The following VSIG10 variants were observed in gnomAD, a reference collection of about 807,000 sequenced individuals.
The protein encoded by VSIG10 is V-set and immunoglobulin domain-containing protein 10.
VSIG10 carries 48 observed loss-of-function variants against 58.7 expected under a neutral mutation model. That is an observed-to-expected ratio of 0.82 (90% confidence interval 0.65 to 1.04). The LOEUF (loss-of-function observed/expected upper bound fraction) is 1.04. VSIG10 is among the 50% of genes least tolerant of loss of function. The probability of loss-of-function intolerance (pLI) is 0.00; values close to 1 mark genes in which losing one functional copy is unlikely to be tolerated. For synonymous variants in VSIG10, 260 were observed against 267.1 expected (o/e 0.97, Z 0.26); for missense variants, 628 against 670.0 (o/e 0.94, Z 0.69).
chr12:118,068,595 C>T lies in VSIG10; in HGVS notation c.1349G>A (p.Gly450Glu), dbSNP rs1311650922. 1 of 1,542,128 alleles carries T rather than the reference C, an allele frequency of 6.5e-7. No homozygotes were observed. Among genetic ancestry groups the T allele is most frequent in the East Asian group, 2.4e-5 (1 of 42,056 alleles). The part of the protein sequence containing the change: ...FCWKVGNTSR[G>E]QNMDDVMVLV... ...AACCATGACATCATCCATGTTTTGT[C>T]CCCTAATTTCCAAAGGGGAAAAATA... is the stretch of plus-strand genomic sequence containing the variant. Residue 450 changes from glycine (G) to glutamate (E), a missense_variant and splice_region_variant, in exon 8 of 9, where the codon GGA (glycine) becomes GAA (glutamate). Physicochemically the swap from Gly to Glu is moderately conservative, Grantham distance 98 (BLOSUM62 -2). Coordinates refer to ENST00000359236, the MANE Select transcript of VSIG10 (RefSeq NM_019086.6).
At chr12:118,082,534 T>A in intron 2 of VSIG10, 105 bp from the exon 3 acceptor site, 1 of 1,154,934 alleles carries the variant, frequency 8.7e-7, no homozygotes, top group Non-Finnish European at 1.2e-6. Flanking sequence ...CAATGAAGAG[T>A]ATGGTATCTA....
chr12:118,076,646 G>T (rs73217989), intron 4 of VSIG10, among the ~76,000 whole-genome samples: 15,461 of 150,560 alleles, frequency 0.1, 1,012 homozygotes, highest in Admixed American at 0.15. Context: ...ACTGATCCTG[G>T]CGCTTCTGAT....
chr12:118,073,986 G>A lies in VSIG10; in HGVS notation c.932C>T (p.Pro311Leu), dbSNP rs376437186. 5.2e-6 allele frequency: 8 copies of A among 1,549,238 alleles called. No homozygotes were observed. Among genetic ancestry groups the A allele is most frequent in the Non-Finnish European group, 5.2e-6 (6 of 1,146,782 alleles). The stretch of plus-strand genomic sequence containing the variant: ...CTTCATGGGCTCAGAGAGAAGGGAG[G>A]GACCCCCTGGTGATCAGAAGGTAAA... ...GASCMVQIRG[P>L]SLLSEPMKTC... Residue 311 changes from proline (P) to leucine (L), a missense_variant, in exon 5 of 9, where the codon CCC (proline) becomes CTC (leucine). Coordinates refer to ENST00000359236, the MANE Select transcript of VSIG10 (RefSeq NM_019086.6).
intron 1 of VSIG10, among the ~76,000 whole-genome samples, chr12:118,099,327 G>C (rs1455157076): frequency 6.6e-6 from 1 of 152,010 alleles, no homozygotes; most frequent in South Asian, 2.1e-4. Flanking sequence ...GTTGGGGTGG[G>C]GGGTCTCACT....
chr12:118,073,488 T>C (rs866163319), intron 5 of VSIG10, among the ~76,000 whole-genome samples: 34 of 152,290 alleles, frequency 2.2e-4, no homozygotes, highest in African/African-American at 4.6e-4. Flanking sequence ...TGTATAGATA[T>C]TATGTAATTT....
At chr12:118,095,435 G>T (rs1457640063) in intron 2 of VSIG10, 98 bp downstream of exon 2, 2 of 1,475,842 alleles carry the variant, frequency 1.4e-6, no homozygotes, top group South Asian at 1.3e-5. Flanking sequence ...ATGATTTCCA[G>T]GCCATCCGAA....
intron 4 of VSIG10, among the ~76,000 whole-genome samples, chr12:118,078,707 C>T (rs1202792897): frequency 1.3e-5 from 2 of 151,546 alleles, no homozygotes; most frequent in African/African-American, 2.4e-5. Context: ...TTTAGGAGGC[C>T]GAGGCAGGTA....
chr12:118,093,114 CCT>C (rs2033346153), intron 2 of VSIG10, among the ~76,000 whole-genome samples: 1 of 145,446 alleles, frequency 6.9e-6, no homozygotes, highest in South Asian at 2.2e-4. Flanking sequence ...ACAGTGAAAC[CCT>C]GTCTCTGCTA....
chr12:118,083,438 C>A (rs1049248018), intron 2 of VSIG10, among the ~76,000 whole-genome samples: 1 of 151,858 alleles, frequency 6.6e-6, no homozygotes, highest in East Asian at 1.9e-4. Flanking sequence ...ATTAGTTGGG[C>A]GTGGTGGCAC....
Position 118,103,555 on chromosome 12 carries a change from G to A in VSIG10, c.79+38C>T, listed in dbSNP as rs546912504. The A allele has an allele frequency of 1.5e-5, 22 of 1,498,118 alleles. No individual in the cohort carries two copies. The Middle Eastern group carries it at 1.5e-3, about 104-fold the overall frequency. 92.8% of individuals were successfully genotyped at this position (1,498,118 alleles called of 1,614,324 possible). On this transcript the variant is annotated intron_variant, in intron 1 of 8. Coordinates refer to ENST00000359236, the MANE Select transcript of VSIG10 (RefSeq NM_019086.6). ...CTGTCCCCTCCCCACCGCTGACTGG[G>A]AAAACTCAACTTTTCCCTCCAGATC...
At chr12:118,103,235 C>T (rs1433819290) in intron 1 of VSIG10, 1 of 203,132 alleles carries the variant, frequency 4.9e-6, no homozygotes, top group Admixed American at 6.2e-5. Context: ...GTATCAGTTA[C>T]TACTAAAACC....
At chr12:118,067,046 T>TGAGG (rs1303242534) in intron 8 of VSIG10, among the ~76,000 whole-genome samples, 177 of 152,198 alleles carry the variant, frequency 1.2e-3, no homozygotes, top group African/African-American at 4.1e-3. Flanking sequence ...CTCCGGGCTC[T>TGAGG]TATCTTTCTC....
Position 118,073,762 on chromosome 12 carries a change from A to G in VSIG10, c.1156T>C (p.Tyr386His). The G allele has an allele frequency of 6.2e-7, 1 of 1,613,964 alleles. No homozygotes were observed. The highest frequency in any genetic ancestry group is 1.7e-5 in the Admixed American group (1 of 60,006). Residue 386 changes from tyrosine (Y) to histidine (H), a missense_variant, in exon 5 of 9, where the codon TAC becomes CAC. Transcript: ENST00000359236. ...NCSQDLDEGY[Y>H]ICRADSPVGV... ...ACAGGGCTGTCAGCTCGGCAGATGT[A>G]GTAGCCCTCATCCAGGTCCTGGGAG...
At chr12:118,072,934 T>C (rs1163926929) in intron 5 of VSIG10, among the ~76,000 whole-genome samples, 2 of 152,216 alleles carry the variant, frequency 1.3e-5, no homozygotes, top group Non-Finnish European at 2.9e-5. Context: ...TTTATTTTTC[T>C]AAACTCAAAT....
At chr12:118,087,794 C>T (rs150695765) in intron 2 of VSIG10, among the ~76,000 whole-genome samples, 305 of 141,802 alleles carry the variant, frequency 2.2e-3, no homozygotes, top group African/African-American at 7.6e-3. Flanking sequence ...GCCGAAATCA[C>T]ACCACTGCAC....
intron 1 of VSIG10, among the ~76,000 whole-genome samples, chr12:118,097,467 T>C (rs1319475858): frequency 6.7e-6 from 1 of 150,258 alleles, no homozygotes; most frequent in Non-Finnish European, 1.5e-5. Flanking sequence ...ATGCAAAAAT[T>C]AGCCAGGCGT....
At chr12:118,097,444 G>A (rs1439306392) in intron 1 of VSIG10, among the ~76,000 whole-genome samples, 6 of 151,852 alleles carry the variant, frequency 4.0e-5, no homozygotes, top group South Asian at 2.1e-4. Flanking sequence ...GTGAAACCCC[G>A]TCTCTGCTAA....
At chr12:118,098,930 G>GA (rs1555275569) in intron 1 of VSIG10, among the ~76,000 whole-genome samples, 1 of 150,428 alleles carries the variant, frequency 6.6e-6, no homozygotes, top group African/African-American at 2.4e-5. Flanking sequence ...GGGTTGGGGG[G>GA]GGTCTCACTC....
At chr12:118,091,974 G>A (rs375010472) in intron 2 of VSIG10, among the ~76,000 whole-genome samples, 1 of 152,064 alleles carries the variant, frequency 6.6e-6, no homozygotes, top group Non-Finnish European at 1.5e-5. Context: ...AGCCAGGCTG[G>A]TCTTGAACTG....
Sources: allele counts gnomAD v4.1 joint callset (sites outside exome capture counted in the v4.1 genomes callset), GRCh38; gene constraint gnomAD v4.1.1; transcripts MANE v1.5; gene names NCBI Gene and HGNC (gene_info 2026-07-23, HGNC 2026-07-21).